The following CCDC141 variants were observed in gnomAD, a reference collection of about 807,000 sequenced individuals.
The protein encoded by CCDC141 is coiled-coil domain-containing protein 141.
Under a neutral mutation model 181.0 loss-of-function variants are expected in CCDC141, and 168 were observed. The ratio of observed to expected loss-of-function variants is 0.93; its 90% CI spans 0.82 to 1.05. The LOEUF is 1.05. Ranked by LOEUF, CCDC141 falls within the 50% of genes least tolerant of loss-of-function variation. CCDC141 has a pLI of 0.00. For missense variants in CCDC141, 1,902 were observed against 1,788.5 expected (o/e 1.06, Z -1.14); for synonymous variants, 666 against 642.3 (o/e 1.04, Z -0.56).
chr2:178,891,592 G>A (rs1204257004), intron 8 of CCDC141, among the ~76,000 whole-genome samples: 3 of 152,164 alleles, frequency 2.0e-5, no homozygotes, highest in African/African-American at 7.2e-5. Context: ...AATGCCTGCT[G>A]TAGTTTTCAA....
chr2:178,979,345 T>C (rs540183195), intron 2 of CCDC141, among the ~76,000 whole-genome samples: 1 of 152,098 alleles, frequency 6.6e-6, no homozygotes, highest in Non-Finnish European at 1.5e-5. Context: ...TAGACTAAAA[T>C]AGTATGAATA....
chr2:178,880,985 T>C (rs1686576957), intron 11 of CCDC141, among the ~76,000 whole-genome samples: 1 of 152,150 alleles, frequency 6.6e-6, no homozygotes, highest in Non-Finnish European at 1.5e-5. Context: ...CTCATGACAG[T>C]TGGGGCTGAG....
At chr2:178,960,446 G>A (rs1251938796) in intron 5 of CCDC141, among the ~76,000 whole-genome samples, 1 of 152,096 alleles carries the variant, frequency 6.6e-6, no homozygotes, top group Non-Finnish European at 1.5e-5. Flanking sequence ...TCTTTCCTGT[G>A]TATCTAGGCC....
chr2:178,854,384 C>A (rs1039486983), intron 19 of CCDC141, among the ~76,000 whole-genome samples: 6 of 152,076 alleles, frequency 3.9e-5, no homozygotes, highest in Non-Finnish European at 8.8e-5. Flanking sequence ...AGTAGCCGGG[C>A]GTGGTGGTGG....
chr2:179,006,614 G>A (rs961754010), intron 2 of CCDC141, among the ~76,000 whole-genome samples: 1 of 152,160 alleles, frequency 6.6e-6, no homozygotes. Flanking sequence ...AACTTTGCAT[G>A]TGAAATGTTT....
intron 22 of CCDC141, 53 bp downstream of exon 22, chr2:178,845,573 T>C: frequency 1.0e-6 from 1 of 979,302 alleles, no homozygotes; most frequent in Non-Finnish European, 1.6e-6. Context: ...GGACAATGAC[T>C]TTAACCTCAA....
chr2:178,816,540 C>T, the CCDC141 span, among the ~76,000 whole-genome samples: 1 of 152,178 alleles, frequency 6.6e-6, no homozygotes, highest in African/African-American at 2.4e-5. Context: ...GTTTTCAGCT[C>T]ATTTGGGTAA....
intron 2 of CCDC141, among the ~76,000 whole-genome samples, chr2:178,983,104 G>A (rs1034305087): frequency 6.6e-5 from 10 of 152,268 alleles, no homozygotes; most frequent in East Asian, 1.9e-4. Context: ...CTCCCAGTAC[G>A]CAGCTGGAGA....
intron 2 of CCDC141, among the ~76,000 whole-genome samples, chr2:179,028,931 C>T (rs376735862): frequency 2.6e-5 from 4 of 152,244 alleles, no homozygotes; most frequent in African/African-American, 4.8e-5. Flanking sequence ...AATCTACCCC[C>T]GCTTTAAAAA....
intron 6 of CCDC141, among the ~76,000 whole-genome samples, chr2:178,940,583 T>C (rs1176597664): frequency 1.3e-5 from 2 of 152,100 alleles, no homozygotes; most frequent in African/African-American, 2.4e-5. Flanking sequence ...CTCTGAGGGC[T>C]AAAAAAATGT....
chr2:178,855,283 A>T, intron 19 of CCDC141, 64 bp downstream of exon 19: 2 of 1,377,342 alleles, frequency 1.5e-6, no homozygotes, highest in Non-Finnish European at 2.0e-6. Flanking sequence ...ACATTGCTTT[A>T]AAGTTGCAAA....
At chr2:178,851,885 A>T (rs548450060) in intron 20 of CCDC141, among the ~76,000 whole-genome samples, 2 of 152,320 alleles carry the variant, frequency 1.3e-5, no homozygotes, top group South Asian at 4.1e-4. Context: ...TTTGCATGAA[A>T]ATTCTGAGTT....
At chr2:178,869,027 C>A (rs1685987142) in intron 15 of CCDC141, 90 bp downstream of exon 15, 1 of 894,082 alleles carries the variant, frequency 1.1e-6, no homozygotes, top group Middle Eastern at 2.5e-4. Flanking sequence ...CTAGAAGACA[C>A]AATTTGGCCT....
intron 2 of CCDC141, among the ~76,000 whole-genome samples, chr2:179,027,926 T>A (rs1394785098): frequency 2.0e-5 from 3 of 152,190 alleles, no homozygotes; most frequent in Non-Finnish European, 1.5e-5. Flanking sequence ...TTCCCTTCTT[T>A]GCATCCATGT....
intron 2 of CCDC141, among the ~76,000 whole-genome samples, chr2:179,015,097 TATATATA>T (rs1459786558): frequency 1.4e-4 from 6 of 42,442 alleles, no homozygotes; most frequent in African/African-American, 2.7e-4. Context: ...TATATATATA[TATATATA>T]ATATATATAT....
chr2:178,901,948 T>C (rs2154372518), intron 8 of CCDC141, among the ~76,000 whole-genome samples: 1 of 152,258 alleles, frequency 6.6e-6, no homozygotes, highest in South Asian at 2.1e-4. Context: ...ACAAGCATTC[T>C]TATACACCAA....
intron 11 of CCDC141, among the ~76,000 whole-genome samples, chr2:178,879,756 A>G (rs1686511982): frequency 6.6e-6 from 1 of 152,244 alleles, no homozygotes; most frequent in South Asian, 2.1e-4. Context: ...GTGACGTTTG[A>G]TCTGTGTCTT....
At chr2:178,819,645 G>T in the CCDC141 span, among the ~76,000 whole-genome samples, 6 of 152,102 alleles carry the variant, frequency 3.9e-5, no homozygotes, top group Non-Finnish European at 8.8e-5. Flanking sequence ...CATCATGGTT[G>T]TTACATCTGA....
At chr2:178,818,094 C>A in the CCDC141 span, among the ~76,000 whole-genome samples, 1 of 152,114 alleles carries the variant, frequency 6.6e-6, no homozygotes, top group Non-Finnish European at 1.5e-5. Context: ...TGAGCCACCG[C>A]ACCTGGCCCA....
Sources: allele counts gnomAD v4.1 joint callset (sites outside exome capture counted in the v4.1 genomes callset), GRCh38; gene constraint gnomAD v4.1.1; transcripts MANE v1.5; gene names NCBI Gene and HGNC (gene_info 2026-07-23, HGNC 2026-07-21).